The following IGF2R variants were observed in gnomAD, a reference collection of about 807,000 sequenced individuals.
The protein encoded by IGF2R is insulin like growth factor 2 receptor.
Under a neutral mutation model 270.6 loss-of-function variants are expected in IGF2R, and 91 were observed. That is an observed-to-expected ratio of 0.34 (90% CI 0.28 to 0.40). IGF2R has a LOEUF of 0.40. Among genes scored for constraint, IGF2R ranks in the 10% least tolerant of loss-of-function variants. The pLI is 1.00. For synonymous variants in IGF2R, 1,316 were observed against 1,258.9 expected (o/e 1.05, Z -0.96); for missense variants, 2,805 against 3,188.3 (o/e 0.88, Z 2.90).
rs1168254135 is a variant in IGF2R, at chr6:160,068,340, T to A, written c.4207T>A (p.Tyr1403Asn). 1 of 1,614,156 alleles carries A rather than the reference T, an allele frequency of 6.2e-7. No individual in the cohort carries two copies. Among genetic ancestry groups the A allele is most frequent in the Non-Finnish European group, 8.5e-7 (1 of 1,180,052 alleles). Residue 1403 changes from tyrosine (Y) to asparagine (N), a missense_variant, in exon 30 of 48, where the codon TAC becomes AAC. Physicochemically the swap from Tyr to Asn is moderately radical, Grantham distance 143. Coordinates refer to ENST00000356956, the MANE Select transcript of IGF2R (RefSeq NM_000876.4). ...CACTGGGACGGGGGACCCGGAGCAC[T>A]ACCTCATCAATGTCTGCAAGTCTCT... ...AITGTGDPEH[Y>N]LINVCKSLAP...
intron 4 of IGF2R, among the ~76,000 whole-genome samples, chr6:160,016,484 C>T (rs1583261625): frequency 6.6e-6 from 1 of 152,210 alleles, no homozygotes. Context: ...GTAGCCTCCT[C>T]GTTAACAAAA....
Position 159,997,672 on chromosome 6 carries a change from C to T in IGF2R, c.289+6349C>T, listed in dbSNP as rs867022485. On this transcript the variant is annotated intron_variant, in intron 2 of 47. Coordinates refer to ENST00000356956, the MANE Select transcript of IGF2R (RefSeq NM_000876.4). The stretch of plus-strand genomic sequence containing the variant: ...CTCGTTTCCTGCTTTTTATTTTTTG[C>T]CCTCGTTTCATCCCAGGGGTTCTCC... Among the ~76,000 whole-genome samples the T allele has an allele frequency of 2.6e-5, 4 of 152,230 alleles. No individual in the cohort carries two copies. In the South Asian group the frequency reaches 8.3e-4, roughly 32 times the overall value.
rs774977295 is a variant in IGF2R at position 160,073,783 on chromosome 6, C to T, written c.4974C>T (p.Ser1658=). 1 of 1,614,026 alleles carries T rather than the reference C, an allele frequency of 6.2e-7. No homozygotes were observed. Among genetic ancestry groups the T allele is most frequent in the Non-Finnish European group, 8.5e-7 (1 of 1,179,906 alleles). ...QATECSVRNG[S]SIVDLSPLIH... is the part of the protein sequence containing the mutation. ...CCGAATGTTCCGTGAGGAATGGAAG[C>T]TCTATTGTTGACTTGTCTCCCCTTA... Residue 1658 remains serine, a synonymous_variant, in exon 35 of 48, where the codon AGC becomes AGT. Transcript: ENST00000356956.
At chr6:160,073,511 C>T in intron 34 of IGF2R, 42 bp downstream of exon 34, 8 of 1,603,564 alleles carry the variant, frequency 5.0e-6, no homozygotes, top group Non-Finnish European at 6.8e-6. Flanking sequence ...ATGTCCAGTG[C>T]CTGGCTGCAC....
chr6:160,098,852 T>C (rs1362656718), intron 45 of IGF2R, among the ~76,000 whole-genome samples: 1 of 152,084 alleles, frequency 6.6e-6, no homozygotes, highest in Non-Finnish European at 1.5e-5. Context: ...AACAAACAGG[T>C]AGCAATGTTC....
Position 160,105,197 on chromosome 6 carries a change from A to C in IGF2R, c.*113A>C, listed in dbSNP as rs904329779. The C allele has an allele frequency of 2.2e-5, 20 of 927,848 alleles. No individual in the cohort carries two copies. The highest frequency in any genetic ancestry group is 2.6e-5 in the Non-Finnish European group (16 of 627,286). 57.5% of individuals were successfully genotyped at this position (927,848 alleles called of 1,614,324 possible). A position where few individuals can be genotyped will look rare whatever the true frequency, so the allele number is the denominator to read the frequency against. On this transcript the variant is annotated 3_prime_UTR_variant, in exon 48 of 48. Transcript: ENST00000356956. ...AATTTTGCCTTTAACAGAAACTTTC[A>C]AAAGGGAAGAGTTTTTGTGATGGGG... is the stretch of plus-strand genomic sequence containing the variant.
chr6:160,065,814 G>GTATATATATATATATATATATATA (rs59035193), intron 29 of IGF2R, among the ~76,000 whole-genome samples: 1 of 78,386 alleles, frequency 1.3e-5, no homozygotes, highest in Admixed American at 1.6e-4. Context: ...GTGTGTGTGT[G>GTATATATATATATATATATATATA]TATATATATA....
intron 2 of IGF2R, chr6:160,005,236 CG>C (rs1330474055): frequency 1.3e-5 from 2 of 152,576 alleles, no homozygotes; most frequent in Middle Eastern, 3.4e-3. Flanking sequence ...GCTCTGCCGG[CG>C]AGTCTTAGGG....
rs776232495 is a variant in IGF2R at position 160,046,500 on chromosome 6, T to C, written c.1906T>C (p.Phe636Leu). 5 of 1,604,558 alleles carry C rather than the reference T, an allele frequency of 3.1e-6. No homozygotes were observed. The African/African-American group carries it at 5.4e-5, about 17-fold the overall frequency. The change falls in exon 15 of 48, where the codon TTT becomes CTT. Residue 636 changes from phenylalanine (F) to leucine (L), a missense_variant and splice_region_variant. By Grantham distance (22) the Phe-to-Leu change is conservative. This residue lies in a region of IGF2R where 954 missense variants were observed against 981.1 expected (regional missense o/e 0.97). Coordinates refer to ENST00000356956, the MANE Select transcript of IGF2R (RefSeq NM_000876.4). ...TTATTGTTTTTATTCTTTCTTAGGG[T>C]TTTCTTTTGACTTATCACCTCTCAC... The part of the protein sequence containing the change: ...NCTVFDSQAG[F>L]SFDLSPLTKK...
At chr6:160,065,782 A>ACG (rs1778558972) in intron 29 of IGF2R, among the ~76,000 whole-genome samples, 2 of 93,192 alleles carry the variant, frequency 2.1e-5, no homozygotes, top group African/African-American at 4.4e-5. Context: ...AGATATGTGT[A>ACG]TGTGTGTGTG....
At chr6:160,030,333 AG>A (rs1227575075) in intron 7 of IGF2R, among the ~76,000 whole-genome samples, 2 of 152,186 alleles carry the variant, frequency 1.3e-5, no homozygotes, top group Non-Finnish European at 2.9e-5. Flanking sequence ...TCTTAGTAAT[AG>A]GGTGAAGTAG....
At chr6:160,039,053 TAA>T (rs1302166529) in intron 10 of IGF2R, among the ~76,000 whole-genome samples, 2 of 152,208 alleles carry the variant, frequency 1.3e-5, no homozygotes, top group Non-Finnish European at 2.9e-5. Flanking sequence ...TCAAATACAT[TAA>T]TATAGTCATG....
At chr6:159,980,366 T>G (rs1783781126) in intron 1 of IGF2R, among the ~76,000 whole-genome samples, 1 of 152,146 alleles carries the variant, frequency 6.6e-6, no homozygotes, top group Non-Finnish European at 1.5e-5. Context: ...GGAGATAGCA[T>G]GAGCTCTGGA....
At chr6:159,986,158 CAG>C (rs1214075394) in intron 1 of IGF2R, among the ~76,000 whole-genome samples, 3 of 151,926 alleles carry the variant, frequency 2.0e-5, no homozygotes, top group Non-Finnish European at 4.4e-5. Context: ...AGCATAGAGT[CAG>C]TGACTTTTAG....
intron 30 of IGF2R, 28 bp downstream of exon 30, chr6:160,068,413 T>A: frequency 6.2e-7 from 1 of 1,612,062 alleles, no homozygotes; most frequent in Non-Finnish European, 8.5e-7. Flanking sequence ...CGTGGGGTGG[T>A]GTTTGCAGTG....
intron 2 of IGF2R, among the ~76,000 whole-genome samples, chr6:160,007,981 A>G (rs1269075646): frequency 6.6e-6 from 1 of 152,224 alleles, no homozygotes; most frequent in Non-Finnish European, 1.5e-5. Context: ...GGGGTGTCCA[A>G]TCTTTTGGCT....
In IGF2R at chr6:160,046,374, C is replaced by A. The variant is rs184771853; in HGVS notation, c.1904-124C>A. ...AGGGGCAGCGTCTCTTCTGCCTCCT[C>A]CACTTCTTCCTGCCGTTGGGAACCT... On this transcript the variant is annotated intron_variant, in intron 14 of 47. Transcript: ENST00000356956. The A allele has an allele frequency of 3.2e-4, 283 of 881,218 alleles. No homozygotes were observed. The East Asian group carries it at 6.7e-3, about 21-fold the overall frequency. 54.6% of individuals were successfully genotyped at this position (881,218 alleles called of 1,614,324 possible).
intron 43 of IGF2R, 72 bp from the exon 44 acceptor site, chr6:160,089,844 G>A: frequency 9.2e-7 from 1 of 1,083,082 alleles, no homozygotes; most frequent in Non-Finnish European, 1.3e-6. Context: ...TGATTCTGAG[G>A]ACTGAGGGTT....
Position 160,034,458 on chromosome 6 carries a change from T to C in IGF2R, c.1251T>C (p.Gly417=), listed in dbSNP as rs372304540. ...DGDLTLIYFG[G]DECSSGFQRM... ...ACCTCACCTTGATATATTTTGGAGG[T>C]GATGAATGCAGCTCAGGGTTTCAGC... The change falls in exon 10 of 48, where the codon GGT becomes GGC. Residue 417 remains glycine, a synonymous_variant. Transcript: ENST00000356956. The C allele has an allele frequency of 6.2e-7, 1 of 1,610,424 alleles. No homozygotes were observed. The highest frequency in any genetic ancestry group is 8.5e-7 in the Non-Finnish European group (1 of 1,176,770).
Sources: gnomAD v4.1 joint callset for allele counts (sites outside exome capture counted in the v4.1 genomes callset) on GRCh38, gnomAD v4.1.1 for gene constraint, gnomAD v4.1.1 regional missense constraint, MANE v1.5 for transcripts, NCBI Gene and HGNC (gene_info 2026-07-23, HGNC 2026-07-21) for gene names.